Variants in LRP1B observed in about 807,000 individuals in gnomAD.
LRP1B encodes low-density lipoprotein receptor-related protein 1B.
A neutral mutation model predicts 556.6 loss-of-function variants in LRP1B; 217 were observed. The observed-to-expected ratio is 0.39, with a 90% CI of 0.35 to 0.44. The LOEUF is 0.44. Ranked by LOEUF, LRP1B falls within the 20% of genes least tolerant of loss-of-function variation. The probability of loss-of-function intolerance (pLI) is 1.00; values close to 1 mark genes in which losing one functional copy is unlikely to be tolerated. For missense variants in LRP1B, 5,053 were observed against 5,620.8 expected, an observed-to-expected ratio of 0.90 and a Z score of 3.23; for synonymous variants, 2,047 against 1,865.8, an observed-to-expected ratio of 1.10 and a Z score of -2.50.
At chr2:140,828,387 A>C (rs895870938) in intron 31 of LRP1B, among the ~76,000 whole-genome samples, 2 of 150,578 alleles carry the variant, frequency 1.3e-5, no homozygotes, top group African/African-American at 4.9e-5. Context: ...AGGCAGGCGG[A>C]TCACGAGGTC....
At chr2:140,788,364 C>A (rs1573719505) in intron 32 of LRP1B, among the ~76,000 whole-genome samples, 1 of 152,142 alleles carries the variant, frequency 6.6e-6, no homozygotes, top group Admixed American at 6.5e-5. Context: ...ATTTGCACAA[C>A]TTTTCTATAA....
rs527472903 is a variant in LRP1B at position 141,312,408 on chromosome 2, TATAAC to T, written c.344-57772_344-57768del. On this transcript the variant is annotated intron_variant, in intron 3 of 90. Transcript: ENST00000389484. ...TTGTAAGAATACAGTATATGACACA[TATAAC>T]ATACGAAATATGTGTTAATTTACTG... Among the ~76,000 whole-genome samples, 61 of 152,332 alleles carry T rather than the reference TATAAC, an allele frequency of 4.0e-4. No individual in the cohort carries two copies. In the East Asian group the frequency reaches 0.011, roughly 28 times the overall value.
At chr2:140,762,987 T>C (rs1688978564) in intron 35 of LRP1B, among the ~76,000 whole-genome samples, 1 of 152,158 alleles carries the variant, frequency 6.6e-6, no homozygotes, top group Non-Finnish European at 1.5e-5. Context: ...TCATTTAATC[T>C]GTCAGTATAT....
At chr2:141,181,478 A>G (rs1352607666) in intron 7 of LRP1B, among the ~76,000 whole-genome samples, 1 of 151,102 alleles carries the variant, frequency 6.6e-6, no homozygotes, top group Non-Finnish European at 1.5e-5. Context: ...GACATTGAAT[A>G]CTAGAAACAG....
intron 2 of LRP1B, among the ~76,000 whole-genome samples, chr2:141,594,921 T>A (rs1687466146): frequency 6.6e-6 from 1 of 152,102 alleles, no homozygotes; most frequent in African/African-American, 2.4e-5. Flanking sequence ...TTTCCTAAAT[T>A]ATAGAAGTTT....
chr2:141,261,727 C>A (rs1573725593), intron 3 of LRP1B, among the ~76,000 whole-genome samples: 1 of 150,082 alleles, frequency 6.7e-6, no homozygotes, highest in Admixed American at 6.6e-5. Flanking sequence ...GTAGTTCTCC[C>A]TTTTTGGTTA....
chr2:140,660,831 T>C (rs1574207316), intron 41 of LRP1B, among the ~76,000 whole-genome samples: 1 of 151,802 alleles, frequency 6.6e-6, no homozygotes, highest in Non-Finnish European at 1.5e-5. Flanking sequence ...GTCTTTCCAA[T>C]TTGTTGCTAT....
At chr2:141,043,202 CAAAAA>C (rs1381511423) in intron 11 of LRP1B, among the ~76,000 whole-genome samples, 9 of 44,020 alleles carry the variant, frequency 2.0e-4, no homozygotes, top group South Asian at 2.9e-3. Context: ...GACTCTGTCT[CAAAAA>C]AAATAAAATA....
At chr2:142,044,427 GTT>G (rs1704183879) in intron 1 of LRP1B, among the ~76,000 whole-genome samples, 1 of 151,688 alleles carries the variant, frequency 6.6e-6, no homozygotes. Flanking sequence ...ACAGTGATCT[GTT>G]TCAGAGGTTG....
rs1175577448 is a variant in LRP1B at position 140,335,603 on chromosome 2, C to G, written c.12116+12G>C. On this transcript the variant is annotated intron_variant, in intron 78 of 90. Coordinates refer to ENST00000389484, the MANE Select transcript of LRP1B (RefSeq NM_018557.3). ...ATTATCAAGAAATAGAAATACTAAG[C>G]CATTAACCTACCCTCTTTTAGGATT... 26 of 1,445,476 alleles carry G rather than the reference C, an allele frequency of 1.8e-5. No individual in the cohort carries two copies. The highest frequency in any genetic ancestry group is 2.5e-5 in the Non-Finnish European group (26 of 1,026,952). 89.5% of individuals were successfully genotyped at this position (1,445,476 alleles called of 1,614,324 possible).
intron 85 of LRP1B, among the ~76,000 whole-genome samples, chr2:140,274,117 T>C (rs1011975436): frequency 6.6e-6 from 1 of 151,982 alleles, no homozygotes; most frequent in African/African-American, 2.4e-5. Flanking sequence ...ATATTACATG[T>C]AGTTTTTGAA....
intron 6 of LRP1B, among the ~76,000 whole-genome samples, chr2:141,199,946 TA>T (rs1681928710): frequency 6.6e-6 from 1 of 151,824 alleles, no homozygotes; most frequent in Admixed American, 6.6e-5. Context: ...AGGCTTCAGA[TA>T]AAAAAGGAAC....
rs1683328763 is a variant in LRP1B, at chr2:140,378,388, G to A, written c.10532-102C>T. On this transcript the variant is annotated intron_variant, in intron 67 of 90. Coordinates refer to ENST00000389484, the MANE Select transcript of LRP1B (RefSeq NM_018557.3). The stretch of plus-strand genomic sequence containing the variant: ...AGGTAGCATTAAAGAAAAAAAAAGA[G>A]GTTAGTCAGACAGAACCAATATATT... The A allele has an allele frequency of 1.6e-5, 10 of 624,684 alleles. No homozygotes were observed. In the South Asian group the frequency reaches 2.2e-4, roughly 14 times the overall value. The allele number at this position is 624,684 out of a possible 1,614,324, so 38.7% of individuals were successfully genotyped here. A position where few individuals can be genotyped will look rare whatever the true frequency, so the allele number is the denominator to read the frequency against.
intron 20 of LRP1B, among the ~76,000 whole-genome samples, chr2:140,935,957 CATAT>C (rs1395472946): frequency 1.3e-5 from 2 of 151,178 alleles, no homozygotes; most frequent in African/African-American, 4.9e-5. Context: ...CATATACATA[CATAT>C]ACCTATATAT....
At chr2:141,849,734 A>G (rs1025800294) in intron 1 of LRP1B, among the ~76,000 whole-genome samples, 4 of 151,680 alleles carry the variant, frequency 2.6e-5, no homozygotes, top group Non-Finnish European at 5.9e-5. Context: ...GAGCTAATAC[A>G]TACCGTAAAA....
At chr2:140,302,948 A>G (rs761403296) in intron 83 of LRP1B, among the ~76,000 whole-genome samples, 64 of 149,174 alleles carry the variant, frequency 4.3e-4, no homozygotes, top group Non-Finnish European at 8.0e-4. Context: ...GTGTGCAGAC[A>G]GTATACCATT....
intron 7 of LRP1B, among the ~76,000 whole-genome samples, chr2:141,124,156 T>C (rs936355612): frequency 1.3e-5 from 2 of 152,068 alleles, no homozygotes; most frequent in African/African-American, 4.8e-5. Context: ...AACAAAAGCA[T>C]AAAAGTGGTG....
chr2:140,608,295 G>A (rs1205340172), intron 41 of LRP1B, among the ~76,000 whole-genome samples: 2 of 152,144 alleles, frequency 1.3e-5, no homozygotes, highest in African/African-American at 2.4e-5. Flanking sequence ...GAGGATGCCA[G>A]TCCAAGTGGC....
At chr2:142,097,884 GT>G (rs1706432283) in intron 1 of LRP1B, among the ~76,000 whole-genome samples, 1 of 151,604 alleles carries the variant, frequency 6.6e-6, no homozygotes, top group Non-Finnish European at 1.5e-5. Context: ...AACAGATTGA[GT>G]TTTTATAGGT....
Sources: gnomAD v4.1 joint callset for allele counts (sites outside exome capture counted in the v4.1 genomes callset) on GRCh38, gnomAD v4.1.1 for gene constraint, MANE v1.5 for transcripts, NCBI Gene and HGNC (gene_info 2026-07-23, HGNC 2026-07-21) for gene names.